Variants in MAML3 observed in about 807,000 individuals in gnomAD.
MAML3 encodes the protein mastermind-like protein 3.
MAML3 carries 27 observed loss-of-function variants against 101.9 expected under a neutral mutation model. That is an observed-to-expected ratio of 0.27 (90% confidence interval 0.20 to 0.37). The LOEUF is 0.37. Ranked by LOEUF, MAML3 falls within the 10% of genes least tolerant of loss-of-function variation. MAML3 has a pLI of 1.00. For synonymous variants in MAML3, 501 were observed against 555.9 expected (o/e 0.90, Z 1.39); for missense variants, 1,316 against 1,444.9 (o/e 0.91, Z 1.45).
intron 1 of MAML3, among the ~76,000 whole-genome samples, chr4:139,893,137 T>A (rs988791690): frequency 6.6e-6 from 1 of 152,180 alleles, no homozygotes; most frequent in Non-Finnish European, 1.5e-5. Context: ...CTAGAATTCT[T>A]TCACCTTTAC....
At chr4:139,975,168 G>A (rs931609525) in intron 1 of MAML3, among the ~76,000 whole-genome samples, 2 of 152,066 alleles carry the variant, frequency 1.3e-5, no homozygotes, top group Non-Finnish European at 2.9e-5. Flanking sequence ...AGGCTTTGCA[G>A]CATCTGCTTC....
intron 2 of MAML3, among the ~76,000 whole-genome samples, chr4:139,773,570 A>G (rs7690424): frequency 0.59 from 89,684 of 151,990 alleles, 26,785 homozygotes; most frequent in East Asian, 0.87. Context: ...AGGTAGTGCT[A>G]AGGATGGGGT....
At chr4:139,835,349 C>A (rs534723059) in intron 2 of MAML3, among the ~76,000 whole-genome samples, 9 of 152,366 alleles carry the variant, frequency 5.9e-5, no homozygotes, top group African/African-American at 1.9e-4. Flanking sequence ...GTTCAATGAA[C>A]ACTGCTGACT....
intron 2 of MAML3, among the ~76,000 whole-genome samples, chr4:139,788,738 A>G (rs1282450764): frequency 6.6e-6 from 1 of 152,374 alleles, no homozygotes; most frequent in South Asian, 2.1e-4. Flanking sequence ...CAAAGAGGAC[A>G]TGCCTCCTTC....
intron 1 of MAML3, among the ~76,000 whole-genome samples, chr4:140,084,665 T>C (rs1560888590): frequency 6.6e-6 from 1 of 152,164 alleles, no homozygotes; most frequent in Non-Finnish European, 1.5e-5. Flanking sequence ...CCAGCATTTA[T>C]TTCCTGACCT....
chr4:139,852,414 T>TG (rs1221197402), intron 2 of MAML3, among the ~76,000 whole-genome samples: 1 of 134,176 alleles, frequency 7.5e-6, no homozygotes, highest in Non-Finnish European at 1.6e-5. Flanking sequence ...TTTTTTTTTT[T>TG]TTTTTTTTTT....
intron 1 of MAML3, among the ~76,000 whole-genome samples, chr4:140,096,086 G>A (rs924091967): frequency 2.6e-5 from 4 of 152,146 alleles, no homozygotes; most frequent in African/African-American, 9.7e-5. Flanking sequence ...CCTACCACAG[G>A]GCAATCAATA....
intron 1 of MAML3, among the ~76,000 whole-genome samples, chr4:140,079,341 T>C (rs968768746): frequency 6.6e-6 from 1 of 152,162 alleles, no homozygotes; most frequent in Non-Finnish European, 1.5e-5. Context: ...TGCCCAGGCA[T>C]GGAGTGCAGT....
intron 1 of MAML3, among the ~76,000 whole-genome samples, chr4:140,035,691 G>A (rs886717261): frequency 1.3e-5 from 2 of 151,914 alleles, no homozygotes; most frequent in African/African-American, 4.8e-5. Context: ...GCTGAGACAG[G>A]AGAATCGCTT....
rs1240406808 is a variant in MAML3, at chr4:140,058,383, TGCCTAGCCCCAA to T, written c.468+94465_468+94476del. The stretch of plus-strand genomic sequence containing the variant: ...CTAGGATTACAGGCATGAGCCACCG[TGCCTAGCCCCAA>T]GTTTAGAGTATTTTTAAAAATTACT... On this transcript the variant is annotated intron_variant, in intron 1 of 4. Transcript: ENST00000509479. Among the ~76,000 whole-genome samples the T allele has an allele frequency of 2.0e-5, 3 of 152,058 alleles. No homozygotes were observed. In the East Asian group the frequency reaches 5.8e-4, roughly 29 times the overall value.
At position 140,020,526 on chromosome 4, in the gene MAML3, G is replaced by A. The variant is rs903087830; in HGVS notation, c.469-129559C>T. Among the ~76,000 whole-genome samples, 3 of 151,944 alleles carry A rather than the reference G, an allele frequency of 2.0e-5. No homozygotes were observed. In the South Asian group the frequency reaches 6.2e-4, roughly 32 times the overall value. On this transcript the variant is annotated intron_variant, in intron 1 of 4. Transcript: ENST00000509479. Reference sequence around the variant, plus strand: ...ATGACTTCAAATAGTTTGATATTGAGCAAAAGTGTATAAATATATTACAGA... The same window carrying A: ...ATGACTTCAAATAGTTTGATATTGAACAAAAGTGTATAAATATATTACAGA...
chr4:140,124,522 C>A (rs776694827), intron 1 of MAML3, among the ~76,000 whole-genome samples: 6 of 152,150 alleles, frequency 3.9e-5, no homozygotes, highest in Non-Finnish European at 7.3e-5. Flanking sequence ...AGGAAGTGTT[C>A]TCTTAAGCGT....
At chr4:139,892,638 G>A (rs1297904819) in intron 1 of MAML3, among the ~76,000 whole-genome samples, 1 of 150,214 alleles carries the variant, frequency 6.7e-6, no homozygotes, top group Admixed American at 6.6e-5. Flanking sequence ...CCTTTCTTGT[G>A]TATAACTCTG....
chr4:140,053,225 GCC>G (rs906262230), intron 1 of MAML3, among the ~76,000 whole-genome samples: 1 of 152,006 alleles, frequency 6.6e-6, no homozygotes, highest in Non-Finnish European at 1.5e-5. Context: ...TCTCCAAACA[GCC>G]CCTTCCAATA....
intron 1 of MAML3, among the ~76,000 whole-genome samples, chr4:140,110,722 C>T (rs1439275352): frequency 6.6e-6 from 1 of 152,186 alleles, no homozygotes; most frequent in African/African-American, 2.4e-5. Flanking sequence ...AGAAAGATAA[C>T]CCTCCGGGTG....
At chr4:139,778,984 A>T (rs1436042689) in intron 2 of MAML3, among the ~76,000 whole-genome samples, 1 of 87,526 alleles carries the variant, frequency 1.1e-5, no homozygotes, top group Non-Finnish European at 2.4e-5. Flanking sequence ...CTCCACCTCA[A>T]AAAAAAAAAA....
At chr4:139,763,856 C>T (rs1378986196) in intron 2 of MAML3, among the ~76,000 whole-genome samples, 1 of 152,176 alleles carries the variant, frequency 6.6e-6, no homozygotes, top group South Asian at 2.1e-4. Flanking sequence ...GAATTAAACA[C>T]TTGAATATAC....
At chr4:139,844,656 G>C (rs1731412682) in intron 2 of MAML3, among the ~76,000 whole-genome samples, 1 of 152,330 alleles carries the variant, frequency 6.6e-6, no homozygotes, top group South Asian at 2.1e-4. Context: ...GTCATAGACT[G>C]TACCTTCCTT....
At chr4:140,152,692 C>G (rs1245328555) in intron 1 of MAML3, among the ~76,000 whole-genome samples, 168 bp downstream of exon 1, 1 of 152,046 alleles carries the variant, frequency 6.6e-6, no homozygotes, top group East Asian at 1.9e-4. Context: ...GTAGCGACGA[C>G]GGCAGCTTTT....
Sources: gnomAD v4.1 joint callset for allele counts (sites outside exome capture counted in the v4.1 genomes callset) on GRCh38, gnomAD v4.1.1 for gene constraint, MANE v1.5 for transcripts, NCBI Gene and HGNC (gene_info 2026-07-23, HGNC 2026-07-21) for gene names.